The following TRHDE variants were observed in gnomAD, a reference collection of about 807,000 sequenced individuals.
The protein encoded by TRHDE is thyrotropin releasing hormone degrading enzyme, also known as thyrotropin-releasing hormone-degrading ectoenzyme.
In TRHDE, 72 loss-of-function variants were observed where a neutral mutation model predicts 125.7. The observed-to-expected ratio is 0.57, with a 90% CI of 0.47 to 0.70. The LOEUF is 0.70. Ranked by LOEUF, TRHDE falls within the 30% of genes least tolerant of loss-of-function variation. The probability of loss-of-function intolerance (pLI) is 0.00; values close to 1 mark genes in which losing one functional copy is unlikely to be tolerated. For synonymous variants in TRHDE, 509 were observed against 509.1 expected (o/e 1.00, Z 0.00); for missense variants, 1,110 against 1,327.1 (o/e 0.84, Z 2.54).
intron 2 of TRHDE, among the ~76,000 whole-genome samples, chr12:72,141,431 C>T (rs1044873734): frequency 6.6e-6 from 1 of 152,170 alleles, no homozygotes; most frequent in Non-Finnish European, 1.5e-5. Context: ...GTGGGCTTAG[C>T]TCTATCCATT....
chr12:72,663,045 T>G lies in TRHDE; in HGVS notation c.3067-7T>G, dbSNP rs775846305. 10 of 1,600,346 alleles carry G rather than the reference T, an allele frequency of 6.2e-6. No homozygotes were observed. The highest frequency in any genetic ancestry group is 8.5e-6 in the Non-Finnish European group (10 of 1,174,444). ...CAGATTTACCATTTAAAAATTTCTC[T>G]TTCCAGCTCAAGAACTTCATGAAAA... is the stretch of plus-strand genomic sequence containing the variant. On this transcript the variant is annotated splice_region_variant and splice_polypyrimidine_tract_variant and intron_variant, in intron 18 of 18. Transcript: ENST00000261180.
Position 72,347,969 on chromosome 12 carries a change from G to A in TRHDE, c.1189-30026G>A, listed in dbSNP as rs180852869. ...GGCAGGGGGACATCACTGGGGGCCC[G>A]CTTAGAAAGGCTACCCACACACAGG... On this transcript the variant is annotated intron_variant, in intron 2 of 18. Coordinates refer to ENST00000261180, the MANE Select transcript of TRHDE (RefSeq NM_013381.3). Among the ~76,000 whole-genome samples, 453 of 152,070 alleles carry A rather than the reference G, an allele frequency of 3.0e-3. 1 individual carries two copies. Among genetic ancestry groups the A allele is most frequent in the Non-Finnish European group, 5.2e-3 (354 of 67,976 alleles).
At chr12:72,122,552 G>A (rs1353379558) in intron 2 of TRHDE, among the ~76,000 whole-genome samples, 1 of 152,080 alleles carries the variant, frequency 6.6e-6, no homozygotes, top group African/African-American at 2.4e-5. Context: ...GATTTCTAGA[G>A]AGTTTTTTTT....
At chr12:72,607,224 C>T (rs964959991) in intron 12 of TRHDE, among the ~76,000 whole-genome samples, 7 of 152,158 alleles carry the variant, frequency 4.6e-5, no homozygotes, top group African/African-American at 7.2e-5. Context: ...ATGTGTTCCT[C>T]TGTCCCCTCT....
intron 15 of TRHDE, among the ~76,000 whole-genome samples, chr12:72,626,836 C>T (rs773952115): frequency 1.1e-4 from 17 of 151,866 alleles, no homozygotes; most frequent in Non-Finnish European, 1.8e-4. Flanking sequence ...GTGTATATCT[C>T]GTCCAGAAAC....
rs912139659 is a variant in TRHDE at position 72,621,354 on chromosome 12, A to ATACC, written c.2567+149_2567+150insTACC. Reference sequence around the variant, plus strand: ...TTTCCCGAGAGGACTGCTGCTGGGTAGCACAGTTTCCATTGCCTGATCCTG... The same window carrying ATACC: ...TTTCCCGAGAGGACTGCTGCTGGGTATACCGCACAGTTTCCATTGCCTGATCCTG... On this transcript the variant is annotated intron_variant, in intron 14 of 18. Coordinates refer to ENST00000261180, the MANE Select transcript of TRHDE (RefSeq NM_013381.3). 51 of 621,532 alleles carry ATACC rather than the reference A, an allele frequency of 8.2e-5. No homozygotes were observed. The African/African-American group carries it at 9.4e-4, about 11-fold the overall frequency. The allele number at this position is 621,532 out of a possible 1,614,324, so 38.5% of individuals were successfully genotyped here.
chr12:72,597,845 T>C (rs976542825), intron 12 of TRHDE, among the ~76,000 whole-genome samples: 2 of 148,874 alleles, frequency 1.3e-5, no homozygotes, highest in Non-Finnish European at 3.0e-5. Flanking sequence ...AAATAGAAAG[T>C]ATATGTGAAG....
chr12:72,167,883 A>G (rs1057358944), intron 2 of TRHDE, among the ~76,000 whole-genome samples: 1 of 152,184 alleles, frequency 6.6e-6, no homozygotes, highest in South Asian at 2.1e-4. Flanking sequence ...CTAAGTATCT[A>G]AGAGAAGACT....
rs189019396 is a variant in TRHDE at position 72,396,253 on chromosome 12, T to C, written c.1315+18132T>C. ...ATTGCCCCTTTAGCTATGGTTTCTCTGTTACTGTTAATAGCATATTCTTCA... is the reference window on the plus strand; with the variant it reads ...ATTGCCCCTTTAGCTATGGTTTCTCCGTTACTGTTAATAGCATATTCTTCA... On this transcript the variant is annotated intron_variant, in intron 3 of 18. Coordinates refer to ENST00000261180, the MANE Select transcript of TRHDE (RefSeq NM_013381.3). Among the ~76,000 whole-genome samples the C allele has an allele frequency of 4.8e-3, 735 of 152,334 alleles. 6 individuals are homozygous for C. The highest frequency in any genetic ancestry group is 0.017 in the African/African-American group (695 of 41,570).
chr12:72,180,829 C>G (rs1877082679), intron 2 of TRHDE, among the ~76,000 whole-genome samples: 1 of 152,160 alleles, frequency 6.6e-6, no homozygotes, highest in South Asian at 2.1e-4. Context: ...CCTGGCAGAG[C>G]CACGAATGGA....
chr12:72,602,375 A>C (rs886233523), intron 12 of TRHDE, among the ~76,000 whole-genome samples: 2 of 152,198 alleles, frequency 1.3e-5, no homozygotes, highest in African/African-American at 4.8e-5. Flanking sequence ...GAAAATATGA[A>C]AAAATTACAG....
At chr12:72,261,962 G>A (rs1475324500) in intron 2 of TRHDE, among the ~76,000 whole-genome samples, 1 of 152,116 alleles carries the variant, frequency 6.6e-6, no homozygotes, top group South Asian at 2.1e-4. Flanking sequence ...ATTTAATAAA[G>A]TCAGTTCACA....
At chr12:72,428,239 A>G (rs997990023) in intron 3 of TRHDE, among the ~76,000 whole-genome samples, 3 of 152,162 alleles carry the variant, frequency 2.0e-5, no homozygotes, top group East Asian at 1.9e-4. Flanking sequence ...ATGTATCTAC[A>G]TAATGACTCT....
At chr12:72,612,563 AT>A (rs1399566304) in intron 12 of TRHDE, among the ~76,000 whole-genome samples, 2 of 152,074 alleles carry the variant, frequency 1.3e-5, no homozygotes, top group Non-Finnish European at 2.9e-5. Flanking sequence ...CAAGCGGCTT[AT>A]TTTCTGTAAA....
chr12:72,259,620 A>G lies in TRHDE; in HGVS notation n.280-118375A>G, dbSNP rs563236926. 8.5e-5 allele frequency among the ~76,000 whole-genome samples: 13 copies of G among 152,238 alleles called. No individual in the cohort carries two copies. In the South Asian group the frequency reaches 2.7e-3, roughly 32 times the overall value. Reference sequence around the variant, plus strand: ...ATATATTTATATATCCACTCTTCCAATTCCAATCTAATAACACATCATTCA... The same window carrying G: ...ATATATTTATATATCCACTCTTCCAGTTCCAATCTAATAACACATCATTCA... On this transcript the variant is annotated intron_variant and non_coding_transcript_variant, in intron 2 of 4. Coordinates refer to the TRHDE transcript ENST00000548156.
intron 3 of TRHDE, 67 bp downstream of exon 3, chr12:72,378,188 T>C (rs1871984032): frequency 7.1e-7 from 1 of 1,415,684 alleles, no homozygotes; most frequent in Non-Finnish European, 9.4e-7. Flanking sequence ...TTCATGTGTT[T>C]ATTTGAGCCA....
chr12:72,627,884 G>A (rs1003250453), intron 15 of TRHDE, among the ~76,000 whole-genome samples: 19 of 148,072 alleles, frequency 1.3e-4, no homozygotes, highest in African/African-American at 4.7e-4. Flanking sequence ...TCACTATATT[G>A]CCCAGGCTTG....
At chr12:72,345,628 G>A (rs1870293606) in intron 2 of TRHDE, among the ~76,000 whole-genome samples, 1 of 152,072 alleles carries the variant, frequency 6.6e-6, no homozygotes, top group South Asian at 2.1e-4. Context: ...ACCAGTAGGA[G>A]TGCCTCCAGA....
At chr12:72,526,145 T>C (rs930675242) in intron 6 of TRHDE, among the ~76,000 whole-genome samples, 5 of 152,144 alleles carry the variant, frequency 3.3e-5, no homozygotes, top group Non-Finnish European at 7.4e-5. Flanking sequence ...TTTTTACCTA[T>C]AACCTTTTTC....
Sources: gnomAD v4.1 joint callset for allele counts (sites outside exome capture counted in the v4.1 genomes callset) on GRCh38, gnomAD v4.1.1 for gene constraint, MANE v1.5 for transcripts, NCBI Gene and HGNC (gene_info 2026-07-23, HGNC 2026-07-21) for gene names.